MGMT: variants seen among roughly 807,000 people sequenced by gnomAD.
MGMT encodes methylated-DNA--protein-cysteine methyltransferase.
In MGMT, 14 loss-of-function variants were observed where a neutral mutation model predicts 15.9. That is an observed-to-expected ratio of 0.88 (90% CI 0.58 to 1.37). The LOEUF (loss-of-function observed/expected upper bound fraction) is 1.37, where lower values mean the gene tolerates loss of function less well. MGMT is among the 40% of genes most tolerant of loss of function. MGMT has a pLI of 0.00. For missense variants in MGMT, 282 were observed against 268.1 expected (o/e 1.05, Z -0.36); for synonymous variants, 130 against 118.2 (o/e 1.10, Z -0.65).
rs1846277495 is a variant in MGMT, at chr10:129,561,424, C to T, written c.125+25047C>T. ...ACGAGGGGAGCAGAAGCTGCTGGTG[C>T]CTCTCTGTTCTTTGCCGGATGCTAC... On this transcript the variant is annotated intron_variant, in intron 2 of 4. Transcript: ENST00000651593. Among the ~76,000 whole-genome samples the T allele has an allele frequency of 2.6e-5, 4 of 152,178 alleles. No individual in the cohort carries two copies. In the South Asian group the frequency reaches 8.3e-4, roughly 32 times the overall value.
intron 1 of MGMT, among the ~76,000 whole-genome samples, chr10:129,509,762 T>G (rs1329996778): frequency 6.6e-6 from 1 of 152,258 alleles, no homozygotes; most frequent in Non-Finnish European, 1.5e-5. Flanking sequence ...AATCTATATA[T>G]GTAATTTTGT....
At chr10:129,570,856 G>C (rs1846409789) in intron 2 of MGMT, among the ~76,000 whole-genome samples, 1 of 152,242 alleles carries the variant, frequency 6.6e-6, no homozygotes, top group South Asian at 2.1e-4. Context: ...GGGCCTGAGG[G>C]CCTGGGGTGT....
chr10:129,558,950 A>T (rs1309697691), intron 2 of MGMT, among the ~76,000 whole-genome samples: 3 of 151,988 alleles, frequency 2.0e-5, no homozygotes, highest in African/African-American at 7.3e-5. Flanking sequence ...GTGTGCTCTC[A>T]TTTCACTCCC....
chr10:129,581,168 C>T (rs1382961376), intron 2 of MGMT, among the ~76,000 whole-genome samples: 3 of 152,172 alleles, frequency 2.0e-5, no homozygotes, highest in African/African-American at 7.2e-5. Context: ...AGGTGTTTGC[C>T]GTGACCTGTC....
At chr10:129,480,276 G>C (rs895493137) in intron 1 of MGMT, among the ~76,000 whole-genome samples, 1 of 152,116 alleles carries the variant, frequency 6.6e-6, no homozygotes, top group African/African-American at 2.4e-5. Flanking sequence ...ATCAGGACTC[G>C]GCAAGTGGTA....
intron 2 of MGMT, among the ~76,000 whole-genome samples, chr10:129,612,258 G>C (rs1348372125): frequency 6.6e-6 from 1 of 152,180 alleles, no homozygotes; most frequent in East Asian, 1.9e-4. Context: ...GAAGCCTTCA[G>C]GTAGCAGGCT....
chr10:129,578,299 A>G (rs1260237294), intron 2 of MGMT, among the ~76,000 whole-genome samples: 2 of 152,228 alleles, frequency 1.3e-5, no homozygotes, highest in East Asian at 3.9e-4. Context: ...TCCAACAATG[A>G]TAGACTGGAT....
intron 2 of MGMT, among the ~76,000 whole-genome samples, chr10:129,664,670 G>A (rs1277200410): frequency 6.6e-6 from 1 of 152,148 alleles, no homozygotes; most frequent in Non-Finnish European, 1.5e-5. Flanking sequence ...GATGGGGGCA[G>A]CAAAGACACA....
At chr10:129,653,052 C>T (rs1265160762) in intron 2 of MGMT, among the ~76,000 whole-genome samples, 1 of 152,186 alleles carries the variant, frequency 6.6e-6, no homozygotes, top group Non-Finnish European at 1.5e-5. Flanking sequence ...ATATCAGTGG[C>T]ACTGATCTTG....
intron 2 of MGMT, among the ~76,000 whole-genome samples, chr10:129,621,517 C>A (rs1250392844): frequency 6.6e-6 from 1 of 152,114 alleles, no homozygotes; most frequent in Non-Finnish European, 1.5e-5. Context: ...ATCTGTGCTA[C>A]CTTGTGGACA....
At chr10:129,744,809 G>T (rs1473676957) in intron 3 of MGMT, among the ~76,000 whole-genome samples, 1 of 152,230 alleles carries the variant, frequency 6.6e-6, no homozygotes. Context: ...TGAAGTAGAT[G>T]CCGGGTGGGG....
At chr10:129,677,216 C>G (rs1847796019) in intron 2 of MGMT, among the ~76,000 whole-genome samples, 1 of 151,534 alleles carries the variant, frequency 6.6e-6, no homozygotes, top group African/African-American at 2.4e-5. Flanking sequence ...TCATTTTCAG[C>G]TTTATAGTGT....
chr10:129,648,720 G>C (rs913950549), intron 2 of MGMT, among the ~76,000 whole-genome samples: 1 of 151,992 alleles, frequency 6.6e-6, no homozygotes, highest in Non-Finnish European at 1.5e-5. Context: ...CCTTGTATCT[G>C]TATTTTGAAT....
intron 1 of MGMT, among the ~76,000 whole-genome samples, chr10:129,493,841 G>C (rs1192677536): frequency 1.3e-5 from 2 of 152,206 alleles, no homozygotes; most frequent in Non-Finnish European, 2.9e-5. Flanking sequence ...ACAAAGCTGA[G>C]TGAAACTCTA....
intron 1 of MGMT, among the ~76,000 whole-genome samples, chr10:129,472,070 C>G (rs1014428531): frequency 2.0e-5 from 3 of 152,210 alleles, no homozygotes; most frequent in African/African-American, 7.2e-5. Context: ...TTCACCCCTT[C>G]TTTCCTTTTG....
intron 2 of MGMT, among the ~76,000 whole-genome samples, chr10:129,639,898 T>C (rs2133088998): frequency 6.6e-6 from 1 of 150,472 alleles, no homozygotes; most frequent in African/African-American, 2.4e-5. Flanking sequence ...AAAGAACTGG[T>C]TCTTTGGAAA....
chr10:129,562,833 A>G lies in MGMT; in HGVS notation c.125+26456A>G, dbSNP rs553700184. On this transcript the variant is annotated intron_variant, in intron 2 of 4. Coordinates refer to ENST00000651593, the MANE Select transcript of MGMT (RefSeq NM_002412.5). ...TGGGGAGGAATAAATAGGAACACACATGCTGAGTTAAAGTCCTCAGTTATT... is the reference window on the plus strand; with the variant it reads ...TGGGGAGGAATAAATAGGAACACACGTGCTGAGTTAAAGTCCTCAGTTATT... 6.6e-5 allele frequency among the ~76,000 whole-genome samples: 10 copies of G among 152,356 alleles called. No individual in the cohort carries two copies. In the South Asian group the frequency reaches 1.0e-3, roughly 16 times the overall value.
At chr10:129,620,875 T>C (rs187376843) in intron 2 of MGMT, among the ~76,000 whole-genome samples, 5 of 152,358 alleles carry the variant, frequency 3.3e-5, no homozygotes. Flanking sequence ...CCTGTTTTCC[T>C]AATTCCCTGC....
chr10:129,576,779 A>G (rs1428429680), intron 2 of MGMT, among the ~76,000 whole-genome samples: 1 of 152,232 alleles, frequency 6.6e-6, no homozygotes, highest in African/African-American at 2.4e-5. Flanking sequence ...TTGTATATCT[A>G]GAAAACCCCA....
Sources: gnomAD v4.1 joint callset for allele counts (sites outside exome capture counted in the v4.1 genomes callset) on GRCh38, gnomAD v4.1.1 for gene constraint, MANE v1.5 for transcripts, NCBI Gene and HGNC (gene_info 2026-07-23, HGNC 2026-07-21) for gene names.